Variants in MECOM observed in about 807,000 individuals in gnomAD.
MECOM encodes the protein histone-lysine N-methyltransferase MECOM.
A neutral mutation model predicts 116.3 loss-of-function variants in MECOM; 13 were observed. That is an observed-to-expected ratio of 0.11 (90% CI 0.07 to 0.18). MECOM has a LOEUF of 0.18. MECOM is among the 10% of genes least tolerant of loss of function. The pLI, the probability that MECOM is intolerant of heterozygous loss-of-function variation, is 1.00. For missense variants in MECOM, 1,299 were observed against 1,509.0 expected, an observed-to-expected ratio of 0.86 and a Z score of 2.31; for synonymous variants, 528 against 535.2, an observed-to-expected ratio of 0.99 and a Z score of 0.19.
At chr3:169,457,886 T>G (rs2108716676) in intron 1 of MECOM, among the ~76,000 whole-genome samples, 1 of 152,326 alleles carries the variant, frequency 6.6e-6, no homozygotes, top group Non-Finnish European at 1.5e-5. Flanking sequence ...TAACCTAAGC[T>G]AGGTTTTCAG....
chr3:169,237,449 C>A (rs1560029813), intron 2 of MECOM, among the ~76,000 whole-genome samples: 1 of 151,994 alleles, frequency 6.6e-6, no homozygotes, highest in Admixed American at 6.6e-5. Context: ...TAACTGACCA[C>A]CCTTAGTCAC....
chr3:169,349,526 G>A lies in MECOM; in HGVS notation c.375+31661C>T, dbSNP rs770323292. 3.3e-5 allele frequency among the ~76,000 whole-genome samples: 5 copies of A among 151,826 alleles called. No individual in the cohort carries two copies. The South Asian group carries it at 6.2e-4, about 19-fold the overall frequency. On this transcript the variant is annotated intron_variant, in intron 2 of 16. Transcript: ENST00000651503. ...TCACAGAACTGTGCTGATTCATACC[G>A]AGACTGTTCTCCAGGATGACAACAT... is the stretch of plus-strand genomic sequence containing the variant.
intron 1 of MECOM, among the ~76,000 whole-genome samples, chr3:169,469,027 A>G (rs1025817981): frequency 4.6e-5 from 7 of 152,210 alleles, no homozygotes; most frequent in African/African-American, 1.4e-4. Context: ...CGTAAGTCAC[A>G]TTGCCTAGAA....
At chr3:169,654,036 T>C (rs909173670) in intron 1 of MECOM, among the ~76,000 whole-genome samples, 2 of 152,230 alleles carry the variant, frequency 1.3e-5, no homozygotes, top group African/African-American at 4.8e-5. Context: ...TATGCATGGT[T>C]CATCACTACT....
In MECOM at chr3:169,361,387, A is replaced by G. The variant is rs536676811; in HGVS notation, c.375+19800T>C. Among the ~76,000 whole-genome samples, 4 of 151,916 alleles carry G rather than the reference A, an allele frequency of 2.6e-5. No homozygotes were observed. The East Asian group carries it at 7.8e-4, about 30-fold the overall frequency. The stretch of plus-strand genomic sequence containing the variant: ...AATTCAAGGTGTGGTGGCTCTGCCA[A>G]CCTCAAGAGCTCTAACCTAAAAGAA... On this transcript the variant is annotated intron_variant, in intron 2 of 16. Coordinates refer to ENST00000651503, the MANE Select transcript of MECOM (RefSeq NM_004991.4).
At chr3:169,297,669 T>C (rs1715883681) in intron 2 of MECOM, among the ~76,000 whole-genome samples, 1 of 152,144 alleles carries the variant, frequency 6.6e-6, no homozygotes, top group South Asian at 2.1e-4. Flanking sequence ...ATTTTTTCTA[T>C]CTCAATGTAA....
intron 1 of MECOM, among the ~76,000 whole-genome samples, chr3:169,514,213 T>C (rs1578313701): frequency 6.6e-6 from 1 of 152,146 alleles, no homozygotes; most frequent in African/African-American, 2.4e-5. Flanking sequence ...TACAACAAGC[T>C]GTTTAATTCA....
At position 169,362,733 on chromosome 3, in the gene MECOM, C is replaced by T. The variant is rs544915586; in HGVS notation, c.375+18454G>A. Among the ~76,000 whole-genome samples, 32 of 152,038 alleles carry T rather than the reference C, an allele frequency of 2.1e-4. No homozygotes were observed. The South Asian group carries it at 4.8e-3, about 23-fold the overall frequency. ...GAGAGACACAAGAGTCACAGTGCTT[C>T]GTGTATATCACGAATACACTTCATC... On this transcript the variant is annotated intron_variant, in intron 2 of 16. Transcript: ENST00000651503.
intron 1 of MECOM, among the ~76,000 whole-genome samples, chr3:169,473,704 G>A (rs970682226): frequency 6.6e-6 from 1 of 152,108 alleles, no homozygotes; most frequent in African/African-American, 2.4e-5. Flanking sequence ...GGGGGGCAGA[G>A]GTTGTAGTGA....
chr3:169,532,050 T>G (rs1758702919), intron 1 of MECOM, among the ~76,000 whole-genome samples: 1 of 152,200 alleles, frequency 6.6e-6, no homozygotes, highest in African/African-American at 2.4e-5. Flanking sequence ...TCAAGTGTGA[T>G]TATACAACAA....
chr3:169,659,575 G>A (rs933965884), intron 1 of MECOM, among the ~76,000 whole-genome samples: 1 of 145,488 alleles, frequency 6.9e-6, no homozygotes, highest in Non-Finnish European at 1.5e-5. Flanking sequence ...CAAATAAACC[G>A]CCTTCCTAGA....
Position 169,406,929 on chromosome 3 carries a change from C to T in MECOM, c.38-25405G>A, listed in dbSNP as rs189902779. ...CAATCTCGGTTCACTGCAGCCTCCA[C>T]CTCTCCCGGATTCAAGAAATTCTCT... On this transcript the variant is annotated intron_variant, in intron 1 of 16. Transcript: ENST00000651503. Among the ~76,000 whole-genome samples the T allele has an allele frequency of 1.1e-4, 17 of 151,620 alleles. No homozygotes were observed. The East Asian group carries it at 1.2e-3, about 10-fold the overall frequency.
intron 1 of MECOM, among the ~76,000 whole-genome samples, chr3:169,618,327 T>G (rs1770271469): frequency 6.6e-6 from 1 of 152,182 alleles, no homozygotes; most frequent in Non-Finnish European, 1.5e-5. Context: ...CCCAGTAGCT[T>G]TTTACATAAT....
At chr3:169,208,958 A>G (rs1750333958) in intron 2 of MECOM, among the ~76,000 whole-genome samples, 2 of 151,874 alleles carry the variant, frequency 1.3e-5, no homozygotes, top group Admixed American at 6.6e-5. Flanking sequence ...CTACAAGGCC[A>G]CAATAACTAA....
At chr3:169,549,377 T>G (rs1253064819) in intron 1 of MECOM, among the ~76,000 whole-genome samples, 1 of 150,676 alleles carries the variant, frequency 6.6e-6, no homozygotes, top group African/African-American at 2.4e-5. Flanking sequence ...CAAACAGCAT[T>G]AAAGAGAGAG....
At chr3:169,561,839 A>T (rs1762668871) in intron 1 of MECOM, among the ~76,000 whole-genome samples, 1 of 152,126 alleles carries the variant, frequency 6.6e-6, no homozygotes, top group South Asian at 2.1e-4. Flanking sequence ...AACATAAAAC[A>T]TTGTAAAGAA....
intron 1 of MECOM, among the ~76,000 whole-genome samples, chr3:169,437,530 G>A (rs7626980): frequency 0.57 from 86,712 of 152,016 alleles, 25,223 homozygotes; most frequent in East Asian, 0.9. Context: ...GATAACCACA[G>A]AGATTCAAAT....
At chr3:169,167,032 TG>T (rs2149360811) in intron 2 of MECOM, among the ~76,000 whole-genome samples, 1 of 152,208 alleles carries the variant, frequency 6.6e-6, no homozygotes, top group Non-Finnish European at 1.5e-5. Flanking sequence ...TGGAGTCCAG[TG>T]GTACAATCAT....
At chr3:169,160,304 T>TA (rs962224576) in intron 2 of MECOM, among the ~76,000 whole-genome samples, 199 of 146,950 alleles carry the variant, frequency 1.4e-3, no homozygotes, top group African/African-American at 3.8e-3. Context: ...TGGAGACAGA[T>TA]AAAAAAAAAA....
Sources: allele counts gnomAD v4.1 joint callset (sites outside exome capture counted in the v4.1 genomes callset), GRCh38; gene constraint gnomAD v4.1.1; transcripts MANE v1.5; gene names NCBI Gene and HGNC (gene_info 2026-07-23, HGNC 2026-07-21).